The following NGLY1 variants were observed in gnomAD, a reference collection of about 807,000 sequenced individuals.
NGLY1 encodes the protein N-glycanase 1, also known as peptide-N(4)-(N-acetyl-beta-glucosaminyl)asparagine amidase.
In NGLY1, 68 loss-of-function variants were observed where a neutral mutation model predicts 84.6. The ratio of observed to expected loss-of-function variants is 0.80; its 90% CI spans 0.66 to 0.98. NGLY1 has a LOEUF of 0.98. Ranked by LOEUF, NGLY1 falls within the 50% of genes least tolerant of loss-of-function variation. The pLI is 0.00. For missense variants in NGLY1, 779 were observed against 770.2 expected, an observed-to-expected ratio of 1.01 and a Z score of -0.14; for synonymous variants, 280 against 275.2, an observed-to-expected ratio of 1.02 and a Z score of -0.17.
intron 4 of NGLY1, chr3:25,749,393 T>C (rs368103007): frequency 1.4e-4 from 100 of 732,564 alleles, no homozygotes; most frequent in African/African-American, 9.7e-4. Context: ...ATGTGATATA[T>C]ACATAAACAG....
At chr3:25,778,714 T>C (rs749143214) in intron 1 of NGLY1, 26 bp from the exon 2 acceptor site, 15 of 1,428,748 alleles carry the variant, frequency 1.0e-5, no homozygotes, top group African/African-American at 1.4e-5. Context: ...AGTTTGATTA[T>C]ATATAAAAAA....
In NGLY1 at chr3:25,771,516, C is replaced by T. The variant is rs551183583; in HGVS notation, c.246+7058G>A. ...TTTTTGGTTAGTCTTGTTTTGGCTA[C>T]GTAGGCTGCTTTTAAAAATTTTAGG... On this transcript the variant is annotated intron_variant, in intron 2 of 11. Coordinates refer to ENST00000280700, the MANE Select transcript of NGLY1 (RefSeq NM_018297.4). Among the ~76,000 whole-genome samples the T allele has an allele frequency of 7.2e-5, 11 of 152,002 alleles. No homozygotes were observed. The South Asian group carries it at 8.3e-4, about 11-fold the overall frequency.
At chr3:25,757,461 T>A (rs1323004178) in intron 3 of NGLY1, among the ~76,000 whole-genome samples, 1 of 152,166 alleles carries the variant, frequency 6.6e-6, no homozygotes, top group African/African-American at 2.4e-5. Context: ...GAAAGTTCTT[T>A]CAAAACTGTA....
intron 3 of NGLY1, 61 bp from the exon 4 acceptor site, chr3:25,751,324 A>G: frequency 7.5e-7 from 1 of 1,330,364 alleles, no homozygotes. Flanking sequence ...AATAATATAT[A>G]ATAAAAAAAC....
chr3:25,782,347 T>A (rs1708458135), intron 1 of NGLY1, among the ~76,000 whole-genome samples: 1 of 152,156 alleles, frequency 6.6e-6, no homozygotes, highest in Non-Finnish European at 1.5e-5. Flanking sequence ...GAGAACCTAA[T>A]TAATCACGGT....
chr3:25,767,223 C>CGCT (rs1707626523), intron 2 of NGLY1, among the ~76,000 whole-genome samples: 1 of 150,024 alleles, frequency 6.7e-6, no homozygotes, highest in South Asian at 2.1e-4. Flanking sequence ...ACCCAGGAGG[C>CGCT]AGAGGTTGCA....
At chr3:25,769,719 A>AT (rs1415430108) in intron 2 of NGLY1, among the ~76,000 whole-genome samples, 1 of 152,080 alleles carries the variant, frequency 6.6e-6, no homozygotes, top group Non-Finnish European at 1.5e-5. Flanking sequence ...AAAAGTAATC[A>AT]TTTTTTAATG....
chr3:25,754,891 G>A (rs1575639473), intron 3 of NGLY1: 2 of 676,364 alleles, frequency 3.0e-6, no homozygotes, highest in Non-Finnish European at 5.4e-6. Context: ...ACTACCAATA[G>A]GCTCTCTCTC....
intron 3 of NGLY1, among the ~76,000 whole-genome samples, chr3:25,758,979 C>T (rs1359818159): frequency 1.3e-5 from 2 of 152,144 alleles, no homozygotes; most frequent in Non-Finnish European, 2.9e-5. Flanking sequence ...TTGATTCAGC[C>T]AGCCTGGAAT....
At position 25,736,098 on chromosome 3, in the gene NGLY1, C is replaced by T; in HGVS notation, c.1055G>A (p.Cys352Tyr). The change falls in exon 7 of 12, where the codon TGT becomes TAT. Residue 352 changes from cysteine to tyrosine, a missense_variant. By Grantham distance (194) the Cys-to-Tyr change is radical. Coordinates refer to ENST00000280700, the MANE Select transcript of NGLY1 (RefSeq NM_018297.4). ...GTCACAGACATCTTCACATGCATCA[C>T]AGTGCAGCCACCGCTGCTGAGAAGG... is the stretch of plus-strand genomic sequence containing the variant. Reference protein sequence around the residue: ...YSPSQQRWLHCDACEDVCDKP... With the variant: ...YSPSQQRWLHYDACEDVCDKP... The T allele has an allele frequency of 6.2e-7, 1 of 1,613,934 alleles. No individual in the cohort carries two copies. Among genetic ancestry groups the T allele is most frequent in the South Asian group, 1.1e-5 (1 of 91,052 alleles).
intron 2 of NGLY1, among the ~76,000 whole-genome samples, chr3:25,770,052 C>CTGAGTTACCTCACTAAG (rs549374332): frequency 2.3e-3 from 355 of 152,286 alleles, no homozygotes; most frequent in African/African-American, 8.1e-3. Flanking sequence ...TTTTCCATTC[C>CTGAGTTACCTCACTAAG]TGAGTTACCT....
rs191935507 is a variant in NGLY1 at position 25,789,920 on chromosome 3, C to T, written c.-55G>A. ...CGAGTCACTGAGGTTCCGAGAGGGG[C>T]GTCTCTGCTCACGCAAACAGCTACC... On this transcript the variant is annotated 5_prime_UTR_variant, in exon 1 of 12. Transcript: ENST00000417874. 15 of 1,550,634 alleles carry T rather than the reference C, an allele frequency of 9.7e-6. No individual in the cohort carries two copies. In the African/African-American group the frequency reaches 1.5e-4, roughly 16 times the overall value.
At chr3:25,732,291 G>A in intron 9 of NGLY1, 28 bp downstream of exon 9, 1 of 1,606,648 alleles carries the variant, frequency 6.2e-7, no homozygotes, top group Non-Finnish European at 8.5e-7. Context: ...AAAGTAAAAG[G>A]ATCATCATGC....
At chr3:25,749,969 T>G in intron 4 of NGLY1, 11 of 603,018 alleles carry the variant, frequency 1.8e-5, no homozygotes, top group East Asian at 5.9e-5. Context: ...AAGAAGGAAA[T>G]TCTGCAATAT....
Position 25,762,510 on chromosome 3 carries a change from T to C in NGLY1, c.492+1556A>G, listed in dbSNP as rs147494852. Reference sequence around the variant, plus strand: ...GATATACACTAGCCTACTAATAGCATACACCTTTGAGAAAATTTATTTTCT... The same window carrying C: ...GATATACACTAGCCTACTAATAGCACACACCTTTGAGAAAATTTATTTTCT... On this transcript the variant is annotated intron_variant, in intron 3 of 11. Transcript: ENST00000280700. Among the ~76,000 whole-genome samples the C allele has an allele frequency of 4.9e-3, 754 of 152,336 alleles. 5 individuals are homozygous for C. The highest frequency in any genetic ancestry group is 0.024 in the Middle Eastern group (7 of 294).
chr3:25,766,872 A>G (rs959924930), intron 2 of NGLY1, among the ~76,000 whole-genome samples: 1 of 152,152 alleles, frequency 6.6e-6, no homozygotes, highest in Admixed American at 6.6e-5. Context: ...TCCCTTTACA[A>G]CCAGTCCTAA....
At chr3:25,721,080 A>G (rs562065661) in intron 10 of NGLY1, among the ~76,000 whole-genome samples, 3 of 152,256 alleles carry the variant, frequency 2.0e-5, no homozygotes, top group Non-Finnish European at 4.4e-5. Context: ...TGCTCTGACC[A>G]TATTTTTATT....
intron 2 of NGLY1, chr3:25,778,253 A>G (rs1159432321): frequency 5.7e-6 from 1 of 174,830 alleles, no homozygotes; most frequent in Admixed American, 6.2e-5. Flanking sequence ...CTCTATTAGT[A>G]TTCATGTGTG....
chr3:25,768,561 CT>C (rs752193155), intron 2 of NGLY1, among the ~76,000 whole-genome samples: 2,308 of 116,232 alleles, frequency 0.02, 66 homozygotes, highest in African/African-American at 0.062. Flanking sequence ...ATAAGTAAGA[CT>C]TTTTTTTTTT....
Sources: gnomAD v4.1 joint callset for allele counts (sites outside exome capture counted in the v4.1 genomes callset) on GRCh38, gnomAD v4.1.1 for gene constraint, MANE v1.5 for transcripts, NCBI Gene and HGNC (gene_info 2026-07-23, HGNC 2026-07-21) for gene names.